The following FBXL2 variants were observed in gnomAD, a reference collection of about 807,000 sequenced individuals.
FBXL2 encodes F-box/LRR-repeat protein 2.
In FBXL2, 38 loss-of-function variants were observed where a neutral mutation model predicts 69.2. That is an observed-to-expected ratio of 0.55 (90% CI 0.42 to 0.72). The LOEUF (loss-of-function observed/expected upper bound fraction) is 0.72. FBXL2 is among the 30% of genes least tolerant of loss of function. The pLI, the probability that FBXL2 is intolerant of heterozygous loss-of-function variation, is 0.00. For missense variants in FBXL2, 354 were observed against 520.3 expected, an observed-to-expected ratio of 0.68 and a Z score of 3.11; for synonymous variants, 192 against 201.3, an observed-to-expected ratio of 0.95 and a Z score of 0.39.
downstream of FBXL2, chr3:33,388,552 A>G (rs2043611687): frequency 1.3e-5 from 2 of 152,642 alleles, no homozygotes; most frequent in African/African-American, 4.8e-5. Context: ...AAATAAGCAC[A>G]CAGCATTAAA....
At position 33,277,455 on chromosome 3, in the gene FBXL2, C is replaced by T. The variant is rs1359929581; in HGVS notation, c.-58C>T. The T allele has an allele frequency of 2.4e-6, 3 of 1,262,426 alleles. No homozygotes were observed. The highest frequency in any genetic ancestry group is 3.1e-5 in the East Asian group (1 of 31,904). 78.2% of individuals were successfully genotyped at this position (1,262,426 alleles called of 1,614,324 possible). A position where few individuals can be genotyped will look rare whatever the true frequency, so the allele number is the denominator to read the frequency against. Reference sequence around the variant, plus strand: ...CGCCTGGCTGGCGTCACCAGGACAACGGGCGTCGCCGGCGCCGTGTGACTT... The same window carrying T: ...CGCCTGGCTGGCGTCACCAGGACAATGGGCGTCGCCGGCGCCGTGTGACTT... On this transcript the variant is annotated 5_prime_UTR_variant, in exon 1 of 15. In the 5' UTR this introduces an upstream ATG that the reference lacks. Coordinates refer to ENST00000484457, the MANE Select transcript of FBXL2 (RefSeq NM_012157.5).
At chr3:33,280,911 T>C (rs1202359214) in intron 1 of FBXL2, among the ~76,000 whole-genome samples, 1 of 152,172 alleles carries the variant, frequency 6.6e-6, no homozygotes, top group African/African-American at 2.4e-5. Context: ...TTTAATTTGT[T>C]CATTTCGACT....
chr3:33,319,866 C>A (rs2038047870), intron 2 of FBXL2, among the ~76,000 whole-genome samples: 1 of 151,854 alleles, frequency 6.6e-6, no homozygotes, highest in Admixed American at 6.6e-5. Context: ...TTTCATTTAC[C>A]TAAATTCAGA....
At chr3:33,310,261 C>T (rs562145064) in intron 2 of FBXL2, among the ~76,000 whole-genome samples, 2 of 152,118 alleles carry the variant, frequency 1.3e-5, no homozygotes, top group South Asian at 2.1e-4. Context: ...AAGCAATTCT[C>T]CTGCCTCAGC....
At chr3:33,287,339 G>T (rs2034745559) in intron 1 of FBXL2, among the ~76,000 whole-genome samples, 1 of 152,100 alleles carries the variant, frequency 6.6e-6, no homozygotes, top group African/African-American at 2.4e-5. Context: ...TTGTGTGGTA[G>T]GGAGTAATTT....
chr3:33,373,439 C>T, intron 7 of FBXL2, 84 bp downstream of exon 7: 3 of 1,514,424 alleles, frequency 2.0e-6, no homozygotes, highest in Non-Finnish European at 1.8e-6. Context: ...ACGTTGGATC[C>T]AGCAAGAAAT....
intron 12 of FBXL2, chr3:33,396,356 G>T: frequency 3.7e-6 from 4 of 1,077,040 alleles, no homozygotes; most frequent in Middle Eastern, 2.1e-4. Context: ...ACAACTACAG[G>T]AATCTAAGTT....
At chr3:33,390,918 A>C (rs2043738611), downstream of FBXL2, 1 of 152,458 alleles carries the variant, frequency 6.6e-6, no homozygotes, top group South Asian at 2.1e-4. Context: ...TTAAAAAAAA[A>C]AACAAAACAG....
At chr3:33,376,687 G>A (rs1010459535) in intron 10 of FBXL2, among the ~76,000 whole-genome samples, 1 of 152,102 alleles carries the variant, frequency 6.6e-6, no homozygotes, top group Non-Finnish European at 1.5e-5. Flanking sequence ...GTTGAGAAAA[G>A]TTCATTTTAA....
intron 9 of FBXL2, among the ~76,000 whole-genome samples, chr3:33,374,709 T>C (rs1188165619): frequency 6.6e-6 from 1 of 152,244 alleles, no homozygotes; most frequent in Non-Finnish European, 1.5e-5. Context: ...TTTATTTCTA[T>C]ATGAAGTAGT....
chr3:33,328,831 G>T (rs2038928060), intron 2 of FBXL2, among the ~76,000 whole-genome samples: 1 of 146,114 alleles, frequency 6.8e-6, no homozygotes, highest in Non-Finnish European at 1.5e-5. Flanking sequence ...GTGTGTGTGT[G>T]TGTAAGACCT....
the FBXL2 span, chr3:33,412,751 T>C: frequency 6.2e-7 from 1 of 1,613,950 alleles, no homozygotes; most frequent in South Asian, 1.1e-5. Context: ...TCCTGGGCGA[T>C]TCCACTTCCA....
At chr3:33,405,596 T>C (rs1575467213), downstream of FBXL2, among the ~76,000 whole-genome samples, 1 of 151,826 alleles carries the variant, frequency 6.6e-6, no homozygotes, top group South Asian at 2.1e-4. Context: ...GAGGCCAAGG[T>C]GGGAGGATCA....
At chr3:33,412,842 C>T in the FBXL2 span, 48 of 1,568,808 alleles carry the variant, frequency 3.1e-5, no homozygotes, top group Middle Eastern at 3.3e-4. Context: ...GGAATAAGTG[C>T]GGAAAATGAG....
At chr3:33,339,880 A>ATT (rs2039887919) in intron 2 of FBXL2, among the ~76,000 whole-genome samples, 4 of 152,234 alleles carry the variant, frequency 2.6e-5, no homozygotes, top group African/African-American at 9.6e-5. Context: ...AAACAACCTA[A>ATT]ATGTCACTTA....
intron 13 of FBXL2, 90 bp from the exon 14 acceptor site, chr3:33,383,899 G>C (rs1374213320): frequency 8.0e-7 from 1 of 1,243,010 alleles, no homozygotes; most frequent in African/African-American, 1.5e-5. Flanking sequence ...CATTGCAGAA[G>C]GGCAAAAAGG....
In FBXL2 at chr3:33,385,911, C is replaced by T; in HGVS notation, c.*303C>T. 2.7e-6 allele frequency: 1 copy of T among 375,770 alleles called. No homozygotes were observed. Among genetic ancestry groups the T allele is most frequent in the Non-Finnish European group, 4.9e-6 (1 of 204,396 alleles). 23.3% of individuals were successfully genotyped at this position (375,770 alleles called of 1,614,324 possible). On this transcript the variant is annotated 3_prime_UTR_variant, in exon 15 of 15. Transcript: ENST00000484457. ...TGGTACCTACCTAGGTACGAAAGTT[C>T]TACCCTTGGCATACTCAGCATTCCT...
chr3:33,405,550 G>T (rs2154056788), downstream of FBXL2, among the ~76,000 whole-genome samples: 1 of 152,274 alleles, frequency 6.6e-6, no homozygotes, highest in East Asian at 1.9e-4. Flanking sequence ...TTGAGGCCAG[G>T]TATGGTGGCT....
chr3:33,416,721 G>T, the FBXL2 span: 2 of 1,466,090 alleles, frequency 1.4e-6, no homozygotes, highest in Non-Finnish European at 1.9e-6. Context: ...TTCAATCACA[G>T]CAATATCCAT....
Sources: allele counts gnomAD v4.1 joint callset (sites outside exome capture counted in the v4.1 genomes callset), GRCh38; gene constraint gnomAD v4.1.1; transcripts MANE v1.5; gene names NCBI Gene and HGNC (gene_info 2026-07-23, HGNC 2026-07-21).